C12orf75: variants seen among roughly 807,000 people sequenced by gnomAD.
C12orf75 encodes the protein chromosome 12 open reading frame 75, also known as overexpressed in colon carcinoma 1 protein.
C12orf75 carries 4 observed loss-of-function variants against 11.4 expected under a neutral mutation model. The observed-to-expected ratio is 0.35, with a 90% CI of 0.17 to 0.80. The LOEUF (loss-of-function observed/expected upper bound fraction) is 0.80, where lower values mean the gene tolerates loss of function less well. Among genes scored for constraint, C12orf75 ranks in the 30% least tolerant of loss-of-function variants. C12orf75 has a pLI of 0.52. For synonymous variants in C12orf75, 30 were observed against 30.0 expected, an observed-to-expected ratio of 1.00 and a Z score of 0.00; for missense variants, 89 against 80.4, an observed-to-expected ratio of 1.11 and a Z score of -0.41.
Position 105,365,790 on chromosome 12 carries a change from T to C in C12orf75, c.72-17T>C. The C allele has an allele frequency of 6.5e-7, 1 of 1,542,140 alleles. No homozygotes were observed. Among genetic ancestry groups the C allele is most frequent in the Non-Finnish European group, 8.8e-7 (1 of 1,138,376 alleles). On this transcript the variant is annotated splice_polypyrimidine_tract_variant and intron_variant, in intron 2 of 5. Coordinates refer to ENST00000443585, the MANE Select transcript of C12orf75 (RefSeq NM_001145199.2). ...ATGTAACCAAGTGTCTCATAGCAAATGTTTCTGACCTTTTAGAACAGAAGA... is the reference window on the plus strand; with the variant it reads ...ATGTAACCAAGTGTCTCATAGCAAACGTTTCTGACCTTTTAGAACAGAAGA...
At position 105,362,584 on chromosome 12, in the gene C12orf75, G is replaced by A. The variant is rs549337297; in HGVS notation, c.72-3223G>A. On this transcript the variant is annotated intron_variant, in intron 2 of 5. Coordinates refer to ENST00000443585, the MANE Select transcript of C12orf75 (RefSeq NM_001145199.2). ...CAGGAGGCTGAGGCAGGAGAATGGC[G>A]TGAACCTGGGAGGCGGAGCTTGCAG... 1.9e-4 allele frequency among the ~76,000 whole-genome samples: 29 copies of A among 149,026 alleles called. No individual in the cohort carries two copies. The Admixed American group carries it at 2.0e-3, about 10-fold the overall frequency.
intron 2 of C12orf75, among the ~76,000 whole-genome samples, chr12:105,355,177 TTTC>T (rs1337546309): frequency 0.38 from 47,535 of 124,758 alleles, 10,182 homozygotes; most frequent in Non-Finnish European, 0.48. Context: ...TCTTTTTCTT[TTTC>T]TTTTTTTTTT....
At chr12:105,356,438 G>GTTTTT (rs1288538503) in intron 2 of C12orf75, among the ~76,000 whole-genome samples, 1 of 83,104 alleles carries the variant, frequency 1.2e-5, no homozygotes, top group African/African-American at 4.5e-5. Flanking sequence ...AAGACTACAG[G>GTTTTT]CTTTTTTTTT....
Position 105,371,268 on chromosome 12 carries a change from T to G in C12orf75, c.*668T>G, listed in dbSNP as rs1255738215. ...TTTGCATGCCATATGCACATTTTGA[T>G]TACATTTTTATTTTCTTTCGTGAAA... On this transcript the variant is annotated 3_prime_UTR_variant, in exon 6 of 6. Transcript: ENST00000443585. 6.6e-6 allele frequency: 1 copy of G among 152,368 alleles called. No individual in the cohort carries two copies. Among genetic ancestry groups the G allele is most frequent in the Non-Finnish European group, 1.5e-5 (1 of 68,142 alleles). The allele number at this position is 152,368 out of a possible 1,614,324, so 9.4% of individuals were successfully genotyped here. A position where few individuals can be genotyped will look rare whatever the true frequency, so the allele number is the denominator to read the frequency against.
chr12:105,362,613 G>T (rs916002894), intron 2 of C12orf75, among the ~76,000 whole-genome samples: 1 of 147,754 alleles, frequency 6.8e-6, no homozygotes, highest in Non-Finnish European at 1.5e-5. Flanking sequence ...CTTGCAGTGA[G>T]CTGAGATCGC....
intron 2 of C12orf75, among the ~76,000 whole-genome samples, chr12:105,349,526 A>G (rs1892684491): frequency 6.6e-6 from 1 of 152,202 alleles, no homozygotes; most frequent in Admixed American, 6.5e-5. Flanking sequence ...TTATTGGCTT[A>G]CACAGATGTG....
intron 2 of C12orf75, among the ~76,000 whole-genome samples, chr12:105,362,905 T>A (rs552933505): frequency 6.6e-6 from 1 of 152,246 alleles, no homozygotes; most frequent in East Asian, 1.9e-4. Flanking sequence ...TGAACTAATA[T>A]AATAGGATTA....
At chr12:105,331,420 G>A (rs1892421384) in intron 1 of C12orf75, among the ~76,000 whole-genome samples, 1 of 152,096 alleles carries the variant, frequency 6.6e-6, no homozygotes, top group African/African-American at 2.4e-5. Flanking sequence ...GTGGGAGTGG[G>A]GTTGGGGAGA....
rs187008752 is a variant in C12orf75, at chr12:105,356,972, T to G, written c.71+8346T>G. ...TTTAAATAGGCATGCAAAAAATACATTAATTTAAAAAAAGGCCAGGTAGGC... is the reference window on the plus strand; with the variant it reads ...TTTAAATAGGCATGCAAAAAATACAGTAATTTAAAAAAAGGCCAGGTAGGC... On this transcript the variant is annotated intron_variant, in intron 2 of 5. Transcript: ENST00000443585. Among the ~76,000 whole-genome samples, 26 of 152,268 alleles carry G rather than the reference T, an allele frequency of 1.7e-4. No individual in the cohort carries two copies. The East Asian group carries it at 4.8e-3, about 28-fold the overall frequency.
chr12:105,357,254 C>G (rs1468725617), intron 2 of C12orf75, among the ~76,000 whole-genome samples: 1 of 152,230 alleles, frequency 6.6e-6, no homozygotes, highest in Non-Finnish European at 1.5e-5. Context: ...TTAGTAAGTT[C>G]ACAGGAAGTG....
intron 2 of C12orf75, among the ~76,000 whole-genome samples, chr12:105,363,449 C>T (rs1053413752): frequency 2.0e-4 from 31 of 152,106 alleles, no homozygotes; most frequent in African/African-American, 7.5e-4. Flanking sequence ...GATATCTGGC[C>T]GGGCGGGGTG....
At chr12:105,334,575 A>T (rs1440794791) in intron 1 of C12orf75, among the ~76,000 whole-genome samples, 1 of 152,230 alleles carries the variant, frequency 6.6e-6, no homozygotes, top group East Asian at 1.9e-4. Context: ...TATATAAAGG[A>T]TGCAGCATAT....
chr12:105,336,882 A>G (rs1272904105), intron 1 of C12orf75, among the ~76,000 whole-genome samples: 4 of 152,218 alleles, frequency 2.6e-5, no homozygotes, highest in Non-Finnish European at 4.4e-5. Flanking sequence ...CCCTCTGCTC[A>G]GGTAGTAATC....
chr12:105,346,158 C>A (rs542410708), intron 1 of C12orf75, among the ~76,000 whole-genome samples: 2 of 152,202 alleles, frequency 1.3e-5, no homozygotes, highest in East Asian at 1.9e-4. Context: ...GAAACAACCC[C>A]CCACACCCCC....
At chr12:105,336,170 A>C (rs1032912522) in intron 1 of C12orf75, among the ~76,000 whole-genome samples, 2 of 152,228 alleles carry the variant, frequency 1.3e-5, no homozygotes, top group African/African-American at 4.8e-5. Flanking sequence ...GTTAGTAAGA[A>C]GTCTAGCCTG....
intron 3 of C12orf75, chr12:105,366,170 A>G: frequency 2.9e-6 from 1 of 341,386 alleles, no homozygotes; most frequent in South Asian, 5.6e-5. Flanking sequence ...GATTAACTGC[A>G]CTCCACCCTC....
chr12:105,365,878 G>T, intron 3 of C12orf75, 36 bp downstream of exon 3: 1 of 1,428,226 alleles, frequency 7.0e-7, no homozygotes, highest in South Asian at 1.2e-5. Flanking sequence ...TAGTTTGAAT[G>T]GTTTTGGCCA....
At chr12:105,348,898 A>G (rs1892675805) in intron 2 of C12orf75, among the ~76,000 whole-genome samples, 1 of 147,586 alleles carries the variant, frequency 6.8e-6, no homozygotes, top group Admixed American at 6.7e-5. Flanking sequence ...CAACTGGTAT[A>G]GAGATTTTTT....
chr12:105,356,754 C>T (rs983433826), intron 2 of C12orf75, among the ~76,000 whole-genome samples: 6 of 152,122 alleles, frequency 3.9e-5, no homozygotes, highest in African/African-American at 1.4e-4. Flanking sequence ...CTATTTTATA[C>T]AACCCAGAAA....
Sources: gnomAD v4.1 joint callset for allele counts (sites outside exome capture counted in the v4.1 genomes callset) on GRCh38, gnomAD v4.1.1 for gene constraint, MANE v1.5 for transcripts, NCBI Gene and HGNC (gene_info 2026-07-23, HGNC 2026-07-21) for gene names.